Variants in LPP observed in about 807,000 individuals in gnomAD.
The protein encoded by LPP is LIM domain containing preferred translocation partner in lipoma, also known as lipoma-preferred partner.
LPP carries 38 observed loss-of-function variants against 60.4 expected under a neutral mutation model. That is an observed-to-expected ratio of 0.63 (90% CI 0.49 to 0.83). The LOEUF (loss-of-function observed/expected upper bound fraction) is 0.83. Among genes scored for constraint, LPP ranks in the 40% least tolerant of loss-of-function variants. The probability of loss-of-function intolerance (pLI) is 0.00; values close to 1 mark genes in which losing one functional copy is unlikely to be tolerated. For missense variants in LPP, 902 were observed against 783.6 expected (o/e 1.15, Z -1.80); for synonymous variants, 328 against 290.8 (o/e 1.13, Z -1.30).
At chr3:188,225,061 TC>T (rs1192752276) in intron 1 of LPP, among the ~76,000 whole-genome samples, 4 of 152,208 alleles carry the variant, frequency 2.6e-5, no homozygotes, top group African/African-American at 9.7e-5. Context: ...AAACTCATAT[TC>T]CTTTTCTTTT....
intron 3 of LPP, among the ~76,000 whole-genome samples, chr3:188,351,938 C>G (rs761409826): frequency 6.6e-6 from 1 of 152,196 alleles, no homozygotes; most frequent in Non-Finnish European, 1.5e-5. Flanking sequence ...GAGCTGCAAC[C>G]TGAGTGCCTC....
intron 4 of LPP, among the ~76,000 whole-genome samples, chr3:188,409,470 G>A (rs1231251445): frequency 6.6e-6 from 1 of 152,174 alleles, no homozygotes; most frequent in Non-Finnish European, 1.5e-5. Flanking sequence ...TAATTTAAAT[G>A]TTATCAGTGC....
intron 9 of LPP, among the ~76,000 whole-genome samples, chr3:188,861,177 C>G (rs1765113990): frequency 6.6e-6 from 1 of 152,060 alleles, no homozygotes; most frequent in Non-Finnish European, 1.5e-5. Flanking sequence ...GGGTGAATGG[C>G]CAAGTAAAAG....
chr3:188,181,541 C>T (rs1725009638), intron 1 of LPP, among the ~76,000 whole-genome samples: 1 of 152,132 alleles, frequency 6.6e-6, no homozygotes, highest in Non-Finnish European at 1.5e-5. Context: ...GTCTCTGTCT[C>T]CTCCTCCTCT....
At chr3:188,314,851 C>G (rs1279397510) in intron 2 of LPP, among the ~76,000 whole-genome samples, 2 of 152,012 alleles carry the variant, frequency 1.3e-5, no homozygotes, top group Admixed American at 6.6e-5. Context: ...GGAAGCTTTT[C>G]TTTTTTCTTT....
chr3:188,168,724 C>T (rs755147942), intron 1 of LPP, among the ~76,000 whole-genome samples: 6 of 152,134 alleles, frequency 3.9e-5, no homozygotes, highest in Admixed American at 2.0e-4. Context: ...AATAAAAATT[C>T]AACTAACTTG....
At chr3:188,848,715 C>T (rs1018335299) in intron 9 of LPP, among the ~76,000 whole-genome samples, 1 of 152,156 alleles carries the variant, frequency 6.6e-6, no homozygotes, top group African/African-American at 2.4e-5. Context: ...CGCCTATAAT[C>T]CCAGCACTTT....
rs1771113395 is a variant in LPP at position 188,890,340 on chromosome 3, C to A, written c.*15861C>A. The A allele has an allele frequency of 4.9e-6, 1 of 205,322 alleles. No homozygotes were observed. The highest frequency in any genetic ancestry group is 5.9e-5 in the Admixed American group (1 of 16,870). The allele number at this position is 205,322 out of a possible 1,614,324, so 12.7% of individuals were successfully genotyped here. On this transcript the variant is annotated 3_prime_UTR_variant, in exon 12 of 12. Coordinates refer to ENST00000617246, the MANE Select transcript of LPP (RefSeq NM_001375462.1). ...CATGGTATTCCTAAAATATAGGTTT[C>A]TCTTTTTTCTTGTATTCTTAGCAAA...
intron 3 of LPP, among the ~76,000 whole-genome samples, chr3:188,378,449 G>T (rs1343336223): frequency 6.6e-6 from 1 of 152,182 alleles, no homozygotes; most frequent in Non-Finnish European, 1.5e-5. Flanking sequence ...CCGCCTTGTT[G>T]TTTGATCTCG....
chr3:188,671,832 T>A (rs1443180997), intron 7 of LPP, among the ~76,000 whole-genome samples: 1 of 152,204 alleles, frequency 6.6e-6, no homozygotes, highest in African/African-American at 2.4e-5. Context: ...ATGGGTGAAA[T>A]ACCAGAAGTT....
chr3:188,316,053 C>T (rs1754947187), intron 2 of LPP, among the ~76,000 whole-genome samples: 1 of 152,194 alleles, frequency 6.6e-6, no homozygotes, highest in Non-Finnish European at 1.5e-5. Flanking sequence ...GCAGGCAGAT[C>T]ACCTGAGGTC....
In LPP at chr3:188,182,518, C is replaced by T. The variant is rs1275626129; in HGVS notation, c.-190+28266C>T. Among the ~76,000 whole-genome samples the T allele has an allele frequency of 6.6e-6, 1 of 152,112 alleles. No individual in the cohort carries two copies. Among genetic ancestry groups the T allele is most frequent in the African/African-American group, 2.4e-5 (1 of 41,406 alleles). On this transcript the variant is annotated intron_variant, in intron 1 of 11. Coordinates refer to ENST00000617246, the MANE Select transcript of LPP (RefSeq NM_001375462.1). This position sits in a 1 kb window ranked among gnomAD's most constrained non-coding sequence, Gnocchi z 4.4. The stretch of plus-strand genomic sequence containing the variant: ...ATCTGGCCTAGTGAGACCTATGTGG[C>T]TGCCATTGTTTTTGGCTGGGAGTGG...
chr3:188,753,177 A>G (rs1157833103), intron 8 of LPP, among the ~76,000 whole-genome samples: 1 of 152,254 alleles, frequency 6.6e-6, no homozygotes, highest in Non-Finnish European at 1.5e-5. Flanking sequence ...ATGGAACATC[A>G]GGTTTCTTAT....
At chr3:188,646,175 TC>T (rs1301865973) in intron 7 of LPP, among the ~76,000 whole-genome samples, 1 of 152,238 alleles carries the variant, frequency 6.6e-6, no homozygotes, top group Non-Finnish European at 1.5e-5. Context: ...ACAGATACTT[TC>T]ATAGCTTCAT....
At chr3:188,620,049 A>G (rs933675977) in intron 7 of LPP, among the ~76,000 whole-genome samples, 2 of 152,016 alleles carry the variant, frequency 1.3e-5, no homozygotes, top group African/African-American at 2.4e-5. Context: ...ATTTTTTCTC[A>G]TAGCATTTTT....
chr3:188,704,951 C>A (rs575092600), intron 7 of LPP, among the ~76,000 whole-genome samples: 3 of 152,124 alleles, frequency 2.0e-5, no homozygotes, highest in Admixed American at 6.5e-5. Context: ...AAATACTGAA[C>A]CACTTGTAGT....
intron 9 of LPP, among the ~76,000 whole-genome samples, chr3:188,841,181 C>T (rs1759869176): frequency 6.6e-6 from 1 of 152,042 alleles, no homozygotes. Context: ...TGGAAGACCC[C>T]TTAGAAAAAC....
chr3:188,598,631 TCTTA>T (rs1228277617), intron 6 of LPP, among the ~76,000 whole-genome samples: 2 of 152,156 alleles, frequency 1.3e-5, no homozygotes, highest in Non-Finnish European at 2.9e-5. Flanking sequence ...TGAACCATTA[TCTTA>T]CTTTTCTTTT....
chr3:188,327,940 A>G lies in LPP; in HGVS notation c.-66-13723A>G, dbSNP rs561596785. On this transcript the variant is annotated intron_variant, in intron 2 of 11. Coordinates refer to ENST00000617246, the MANE Select transcript of LPP (RefSeq NM_001375462.1). ...AATGAAACTACAATTTTAATGAAAA[A>G]TATTTGTATAAAAAATAAATATATT... Among the ~76,000 whole-genome samples the G allele has an allele frequency of 1.3e-3, 191 of 152,296 alleles. 4 individuals are homozygous for G. The South Asian group carries it at 0.037, about 30-fold the overall frequency.
Sources: gnomAD v4.1 joint callset for allele counts (sites outside exome capture counted in the v4.1 genomes callset) on GRCh38, gnomAD v4.1.1 for gene constraint, Gnocchi (gnomAD v3.1) non-coding constraint, MANE v1.5 for transcripts, NCBI Gene and HGNC (gene_info 2026-07-23, HGNC 2026-07-21) for gene names.